The following ENPP2 variants were observed in gnomAD, a reference collection of about 807,000 sequenced individuals.
ENPP2 encodes ectonucleotide pyrophosphatase/phosphodiesterase 2, also known as autotaxin.
In ENPP2, 51 loss-of-function variants were observed where a neutral mutation model predicts 120.2. The observed-to-expected ratio is 0.42, with a 90% CI of 0.34 to 0.54. The LOEUF is 0.54. ENPP2 is among the 20% of genes least tolerant of loss of function. The pLI, the probability that ENPP2 is intolerant of heterozygous loss-of-function variation, is 0.04. For missense variants in ENPP2, 920 were observed against 1,066.5 expected (o/e 0.86, Z 1.91); for synonymous variants, 365 against 366.4 (o/e 1.00, Z 0.04).
At chr8:119,636,739 A>G (rs1476884235) in intron 2 of ENPP2, among the ~76,000 whole-genome samples, 4 of 152,180 alleles carry the variant, frequency 2.6e-5, no homozygotes, top group African/African-American at 9.6e-5. Flanking sequence ...TCCAGTAGTG[A>G]GCACAGAAAT....
chr8:119,631,533 A>C (rs1816684925), intron 2 of ENPP2, among the ~76,000 whole-genome samples: 1 of 152,202 alleles, frequency 6.6e-6, no homozygotes, highest in Non-Finnish European at 1.5e-5. Context: ...TTTAAATAAA[A>C]TACAGTGAGT....
chr8:119,633,088 C>T (rs1387152721), intron 2 of ENPP2, among the ~76,000 whole-genome samples: 1 of 152,108 alleles, frequency 6.6e-6, no homozygotes, highest in Non-Finnish European at 1.5e-5. Context: ...ATTCTAGTGC[C>T]ATCTGTTCCA....
At chr8:119,662,761 C>T (rs141504981) in intron 1 of ENPP2, among the ~76,000 whole-genome samples, 2,470 of 152,200 alleles carry the variant, frequency 0.016, 42 homozygotes, top group Non-Finnish European at 0.025. Flanking sequence ...TGATTTTGAG[C>T]GTTGCAAGAG....
At chr8:119,591,552 A>C (rs1449066542) in intron 12 of ENPP2, among the ~76,000 whole-genome samples, 2 of 152,216 alleles carry the variant, frequency 1.3e-5, no homozygotes, top group Non-Finnish European at 2.9e-5. Context: ...TTCAGTATGT[A>C]CATATTCTCT....
intron 11 of ENPP2, among the ~76,000 whole-genome samples, chr8:119,597,575 A>G (rs1045369291): frequency 6.6e-6 from 1 of 152,234 alleles, no homozygotes; most frequent in Non-Finnish European, 1.5e-5. Flanking sequence ...TGGGAGGTAG[A>G]GGTGCAAATT....
intron 2 of ENPP2, among the ~76,000 whole-genome samples, chr8:119,636,144 T>C (rs1432911823): frequency 6.6e-6 from 1 of 152,236 alleles, no homozygotes; most frequent in Non-Finnish European, 1.5e-5. Flanking sequence ...CCACCTAGTG[T>C]CTTATTCTTA....
chr8:119,557,844 C>T (rs1020516651), intron 24 of ENPP2, among the ~76,000 whole-genome samples, 153 bp from the exon 25 acceptor site: 13 of 152,200 alleles, frequency 8.5e-5, no homozygotes, highest in African/African-American at 9.7e-5. Flanking sequence ...GCCACTCTAC[C>T]GCATTCCTAT....
At chr8:119,565,583 A>C (rs1436812783) in intron 22 of ENPP2, among the ~76,000 whole-genome samples, 4 of 152,254 alleles carry the variant, frequency 2.6e-5, no homozygotes, top group African/African-American at 9.6e-5. Flanking sequence ...CAAAAGCCTA[A>C]GAGTCATCCT....
rs1818026091 is a variant in ENPP2 at position 119,664,880 on chromosome 8, G to T, written c.21+8372C>A. Among the ~76,000 whole-genome samples, 4 of 152,174 alleles carry T rather than the reference G, an allele frequency of 2.6e-5. No homozygotes were observed. The South Asian group carries it at 8.3e-4, about 32-fold the overall frequency. On this transcript the variant is annotated intron_variant, in intron 1 of 25. Coordinates refer to the ENPP2 transcript ENST00000427067. ...CGCTTAAACCTAGGAGGTGGAGGTT[G>T]CAGTGAGCCAAAACAAAAACAAAAC...
At chr8:119,590,257 A>G (rs975702702) in intron 13 of ENPP2, among the ~76,000 whole-genome samples, 9 of 152,242 alleles carry the variant, frequency 5.9e-5, no homozygotes. Flanking sequence ...TAATGCTACT[A>G]TGTGCCAGGA....
chr8:119,631,878 G>T (rs1373632112), intron 2 of ENPP2, among the ~76,000 whole-genome samples: 2 of 152,092 alleles, frequency 1.3e-5, no homozygotes, highest in Non-Finnish European at 2.9e-5. Context: ...TATACTTGGA[G>T]TCTTCACGTT....
At chr8:119,588,737 G>A (rs1294268661) in intron 13 of ENPP2, among the ~76,000 whole-genome samples, 2 of 152,068 alleles carry the variant, frequency 1.3e-5, no homozygotes, top group Admixed American at 6.6e-5. Flanking sequence ...AATAAAGTAA[G>A]TTCATGGTCT....
chr8:119,590,516 T>C lies in ENPP2; in HGVS notation c.1196A>G (p.Asn399Ser). The C allele has an allele frequency of 6.3e-7, 1 of 1,597,230 alleles. No homozygotes were observed. Among genetic ancestry groups the C allele is most frequent in the Non-Finnish European group, 8.5e-7 (1 of 1,172,594 alleles). Residue 399 changes from asparagine (N) to serine (S), a missense_variant, in exon 13 of 25, where the codon AAC becomes AGC. Physicochemically the swap from Asn to Ser is conservative, Grantham distance 46 (BLOSUM62 1). Coordinates refer to ENST00000075322, the MANE Select transcript of ENPP2 (RefSeq NM_001040092.3). ...TLGRIRSKFSNNAKYDPKAII... is the reference protein window; with the variant it reads ...TLGRIRSKFSSNAKYDPKAII... ...AAGAATCAACTTACATTTAGCATTGTTGCTAAATTTGGATCGAATTCTTCC... is the reference window on the plus strand; with the variant it reads ...AAGAATCAACTTACATTTAGCATTGCTGCTAAATTTGGATCGAATTCTTCC...
intron 9 of ENPP2, among the ~76,000 whole-genome samples, chr8:119,607,382 T>C (rs2130627604): frequency 6.6e-6 from 1 of 152,076 alleles, no homozygotes; most frequent in South Asian, 2.1e-4. Context: ...TTACATTCTG[T>C]TGAGAGGATG....
At chr8:119,616,228 C>T (rs756947248) in intron 8 of ENPP2, 37 bp downstream of exon 8, 14 of 1,567,324 alleles carry the variant, frequency 8.9e-6, no homozygotes, top group Admixed American at 1.7e-5. Context: ...TACATGAACA[C>T]ACAAACACAT....
At chr8:119,620,172 C>T (rs1042363210) in intron 4 of ENPP2, among the ~76,000 whole-genome samples, 1 of 152,126 alleles carries the variant, frequency 6.6e-6, no homozygotes, top group Non-Finnish European at 1.5e-5. Flanking sequence ...GTGGGCCTCA[C>T]AAAAGTACTG....
At chr8:119,635,798 C>T (rs912479693) in intron 2 of ENPP2, among the ~76,000 whole-genome samples, 4 of 152,172 alleles carry the variant, frequency 2.6e-5, no homozygotes, top group African/African-American at 9.7e-5. Flanking sequence ...CCTACGCTAA[C>T]AATAAATCCA....
chr8:119,573,368 C>G (rs1430222351), intron 19 of ENPP2, among the ~76,000 whole-genome samples: 2 of 145,080 alleles, frequency 1.4e-5, no homozygotes, highest in African/African-American at 5.3e-5. Context: ...GGTCATGCCA[C>G]TGCACTCCAG....
rs572148258 is a variant in ENPP2, at chr8:119,611,410, TG to T, written c.778-3434del. On this transcript the variant is annotated intron_variant, in intron 8 of 24. Transcript: ENST00000075322. Reference sequence around the variant, plus strand: ...TGAGAATCAGAACAAATTAAGGGTGTGGGGGTTGGGGGAGGCAGCAGAAGAG... The same window carrying T: ...TGAGAATCAGAACAAATTAAGGGTGTGGGGTTGGGGGAGGCAGCAGAAGAG... Among the ~76,000 whole-genome samples, 354 of 151,818 alleles carry T rather than the reference TG, an allele frequency of 2.3e-3. 3 individuals are homozygous for T. Among genetic ancestry groups the T allele is most frequent in the African/African-American group, 7.0e-3 (290 of 41,404 alleles).
Sources: allele counts gnomAD v4.1 joint callset (sites outside exome capture counted in the v4.1 genomes callset), GRCh38; gene constraint gnomAD v4.1.1; transcripts MANE v1.5; gene names NCBI Gene and HGNC (gene_info 2026-07-23, HGNC 2026-07-21).